The following LCORL variants were observed in gnomAD, a reference collection of about 807,000 sequenced individuals.
The protein encoded by LCORL is ligand dependent nuclear receptor corepressor like.
LCORL carries 41 observed loss-of-function variants against 141.8 expected under a neutral mutation model. The observed-to-expected ratio is 0.29, with a 90% CI of 0.23 to 0.38. The LOEUF (loss-of-function observed/expected upper bound fraction) is 0.38. Ranked by LOEUF, LCORL falls within the 10% of genes least tolerant of loss-of-function variation. The probability of loss-of-function intolerance (pLI) is 1.00; values close to 1 mark genes in which losing one functional copy is unlikely to be tolerated. For synonymous variants in LCORL, 618 were observed against 694.1 expected (o/e 0.89, Z 1.72); for missense variants, 1,759 against 2,035.0 (o/e 0.86, Z 2.61).
In LCORL at chr4:17,952,993, C is replaced by CTT. The variant is rs545111786; in HGVS notation, c.430+8908_430+8909dup. 3.1e-3 allele frequency among the ~76,000 whole-genome samples: 462 copies of CTT among 148,220 alleles called. 2 individuals are homozygous for CTT. The highest frequency in any genetic ancestry group is 0.01 in the African/African-American group (418 of 40,610). ...CACTTATAAGTGAGAACATGTGATA[C>CTT]TTTTTTTTTTTCCTGTTCCTGCGTT... On this transcript the variant is annotated intron_variant, in intron 4 of 7. Transcript: ENST00000635767.
At chr4:17,926,573 A>C (rs1188222970) in intron 4 of LCORL, among the ~76,000 whole-genome samples, 1 of 152,198 alleles carries the variant, frequency 6.6e-6, no homozygotes, top group East Asian at 1.9e-4. Context: ...TCTGAGATTC[A>C]GACTCCTTTT....
At chr4:17,986,033 G>A (rs1254472121) in intron 1 of LCORL, among the ~76,000 whole-genome samples, 1 of 152,110 alleles carries the variant, frequency 6.6e-6, no homozygotes, top group East Asian at 1.9e-4. Context: ...TAGTTTGGCT[G>A]GATATAAAAA....
At chr4:17,877,757 T>A (rs1192209386) in exon 7 of LCORL, 2 of 1,230,592 alleles carry the variant, frequency 1.6e-6, no homozygotes, top group Non-Finnish European at 2.0e-6. Context: ...TACGAAAGGC[T>A]GATTTTGTAG....
At chr4:17,860,713 G>A (rs1420738329) in intron 7 of LCORL, among the ~76,000 whole-genome samples, 3 of 152,164 alleles carry the variant, frequency 2.0e-5, no homozygotes, top group South Asian at 2.1e-4. Flanking sequence ...TTCTGCCTAT[G>A]AGCCTGTAAA....
At chr4:17,954,931 A>T (rs1388639607) in intron 4 of LCORL, among the ~76,000 whole-genome samples, 1 of 152,218 alleles carries the variant, frequency 6.6e-6, no homozygotes, top group African/African-American at 2.4e-5. Context: ...GTGAAGAATT[A>T]TCAACTAGGC....
At chr4:17,873,452 T>G (rs1445307255) in exon 7 of LCORL, 12 of 1,233,816 alleles carry the variant, frequency 9.7e-6, no homozygotes, top group African/African-American at 1.6e-5. Context: ...TATGTCTTTT[T>G]GTTGACATTT....
At chr4:17,871,834 C>T (rs1054899051) in intron 7 of LCORL, among the ~76,000 whole-genome samples, 5 of 151,722 alleles carry the variant, frequency 3.3e-5, no homozygotes, top group South Asian at 2.1e-4. Context: ...TTTGATTCAT[C>T]GTTTATAATG....
chr4:17,971,409 TTATAAA>T (rs1715908729), intron 2 of LCORL, among the ~76,000 whole-genome samples: 1 of 151,756 alleles, frequency 6.6e-6, no homozygotes, highest in South Asian at 2.1e-4. Flanking sequence ...TATATCCGAA[TTATAAA>T]TATAAAATAT....
rs576596110 is a variant in LCORL, at chr4:17,875,132, C to T, written c.3858G>A (p.Thr1286=). The change falls in exon 7 of 8, where the codon ACG becomes ACA. Residue 1286 remains threonine (T), a synonymous_variant. Transcript: ENST00000635767. ...TTTCTTCAGGCAGATTTTTTCCTGA[C>T]GTATTATCCTGTTCTAAAGGAGGCA... The T allele has an allele frequency of 1.7e-5, 21 of 1,233,068 alleles. No homozygotes were observed. The African/African-American group carries it at 2.2e-4, about 13-fold the overall frequency. The allele number at this position is 1,233,068 out of a possible 1,614,324, so 76.4% of individuals were successfully genotyped here.
intron 4 of LCORL, among the ~76,000 whole-genome samples, chr4:17,924,942 G>A (rs1734884529): frequency 6.6e-6 from 1 of 152,190 alleles, no homozygotes; most frequent in Non-Finnish European, 1.5e-5. Context: ...CCCATAGCCA[G>A]GATTCACGGG....
intron 1 of LCORL, among the ~76,000 whole-genome samples, chr4:18,012,760 G>GT (rs1316093487): frequency 6.6e-6 from 1 of 152,088 alleles, no homozygotes; most frequent in African/African-American, 2.4e-5. Context: ...ATTTGCCTCA[G>GT]TATTTTGTTA....
At chr4:17,969,847 GA>G (rs1170726235) in intron 2 of LCORL, among the ~76,000 whole-genome samples, 1 of 152,016 alleles carries the variant, frequency 6.6e-6, no homozygotes. Context: ...AGAGATTTCA[GA>G]AAAAAAGCTC....
intron 4 of LCORL, among the ~76,000 whole-genome samples, chr4:17,929,430 C>A (rs768819950): frequency 6.6e-6 from 1 of 152,018 alleles, no homozygotes; most frequent in Non-Finnish European, 1.5e-5. Flanking sequence ...ACATGTAGAA[C>A]AATGGAAAAG....
At chr4:17,925,756 A>G (rs894450063) in intron 4 of LCORL, among the ~76,000 whole-genome samples, 1 of 151,830 alleles carries the variant, frequency 6.6e-6, no homozygotes. Context: ...CTGTAATCCC[A>G]GATACTCGGG....
chr4:17,847,438 C>G (rs1723063913), intron 7 of LCORL, among the ~76,000 whole-genome samples: 1 of 152,174 alleles, frequency 6.6e-6, no homozygotes, highest in South Asian at 2.1e-4. Context: ...TTTACCACCA[C>G]TAACATATCT....
At chr4:17,965,512 T>C (rs530737695) in intron 2 of LCORL, among the ~76,000 whole-genome samples, 17 of 152,302 alleles carry the variant, frequency 1.1e-4, no homozygotes, top group East Asian at 3.8e-4. Context: ...ATATATCTTA[T>C]AGAAATAGCT....
intron 4 of LCORL, among the ~76,000 whole-genome samples, chr4:17,946,837 G>A (rs1302307426): frequency 2.6e-5 from 4 of 151,860 alleles, no homozygotes; most frequent in Admixed American, 2.0e-4. Context: ...AGTATGTGAG[G>A]CATATAGAAA....
chr4:17,855,072 A>C (rs1294843858), intron 7 of LCORL, among the ~76,000 whole-genome samples: 6 of 152,292 alleles, frequency 3.9e-5, no homozygotes, highest in Non-Finnish European at 8.8e-5. Context: ...GAATAAAAAA[A>C]ACAGTTTTCT....
At chr4:17,942,236 C>A (rs1451993701) in intron 4 of LCORL, among the ~76,000 whole-genome samples, 1 of 151,998 alleles carries the variant, frequency 6.6e-6, no homozygotes, top group Admixed American at 6.6e-5. Flanking sequence ...GGTAAAAAGT[C>A]AATTCTAAGT....
Sources: gnomAD v4.1 joint callset for allele counts (sites outside exome capture counted in the v4.1 genomes callset) on GRCh38, gnomAD v4.1.1 for gene constraint, MANE v1.5 for transcripts, NCBI Gene and HGNC (gene_info 2026-07-23, HGNC 2026-07-21) for gene names.